Variants in KSR2 observed in about 807,000 individuals in gnomAD.
KSR2 encodes kinase suppressor of ras 2.
KSR2 carries 25 observed loss-of-function variants against 107.8 expected under a neutral mutation model. The observed-to-expected ratio is 0.23, with a 90% CI of 0.17 to 0.32. The LOEUF is 0.32. Among genes scored for constraint, KSR2 ranks in the 10% least tolerant of loss-of-function variants. The pLI is 1.00. For synonymous variants in KSR2, 480 were observed against 507.0 expected (o/e 0.95, Z 0.71); for missense variants, 887 against 1,268.9 (o/e 0.70, Z 4.57).
intron 4 of KSR2, among the ~76,000 whole-genome samples, chr12:117,725,064 CCTCTCTCT>C (rs5801250): frequency 2.1e-5 from 3 of 142,708 alleles, no homozygotes; most frequent in African/African-American, 7.7e-5. Flanking sequence ...GGCTTAATTC[CCTCTCTCT>C]CTCTCTCTCT....
chr12:117,882,854 A>C (rs2137326568), intron 1 of KSR2, among the ~76,000 whole-genome samples: 1 of 138,328 alleles, frequency 7.2e-6, no homozygotes, highest in East Asian at 2.2e-4. Flanking sequence ...TCCATCCAAC[A>C]ATCCATCCAT....
At chr12:117,530,791 T>G in intron 12 of KSR2, 150 bp downstream of exon 12, 2 of 662,302 alleles carry the variant, frequency 3.0e-6, no homozygotes, top group Non-Finnish European at 5.4e-6. Context: ...AGTTATTCCC[T>G]ATGTCTCTCT....
chr12:117,871,354 C>T (rs1217640575), intron 1 of KSR2, among the ~76,000 whole-genome samples: 1 of 151,958 alleles, frequency 6.6e-6, no homozygotes, highest in African/African-American at 2.4e-5. Context: ...TTTGGGAGAC[C>T]GAGGCAGGAG....
chr12:117,591,061 C>A (rs1880284143), intron 5 of KSR2, among the ~76,000 whole-genome samples: 1 of 152,146 alleles, frequency 6.6e-6, no homozygotes, highest in South Asian at 2.1e-4. Flanking sequence ...TTGTTTTGAT[C>A]CCCGTTTTGC....
intron 14 of KSR2, among the ~76,000 whole-genome samples, chr12:117,492,845 C>T (rs1412598782): frequency 6.6e-6 from 1 of 152,036 alleles, no homozygotes; most frequent in Non-Finnish European, 1.5e-5. Flanking sequence ...CCATCGCTGA[C>T]TTTGAAGATG....
chr12:117,892,078 C>G (rs1202186960), intron 1 of KSR2, among the ~76,000 whole-genome samples: 2 of 151,962 alleles, frequency 1.3e-5, no homozygotes, highest in Admixed American at 6.6e-5. Flanking sequence ...GTAAGTGGGT[C>G]ACCTGAAGGT....
Position 117,630,997 on chromosome 12 carries a change from G to C in KSR2, c.1171+36477C>G, listed in dbSNP as rs140640549. On this transcript the variant is annotated intron_variant, in intron 5 of 19. Transcript: ENST00000339824. ...ATGCTCCCCAGGCTGACAAGAGACG[G>C]GCTGTAGAATAAGATTCTCAGTAAA... Among the ~76,000 whole-genome samples, 19 of 151,980 alleles carry C rather than the reference G, an allele frequency of 1.3e-4. No individual in the cohort carries two copies. In the East Asian group the frequency reaches 3.5e-3, roughly 28 times the overall value.
At chr12:117,601,632 G>T (rs12425446) in intron 5 of KSR2, among the ~76,000 whole-genome samples, 12,589 of 152,132 alleles carry the variant, frequency 0.083, 576 homozygotes, top group Middle Eastern at 0.13. Flanking sequence ...GGCAAGGAAG[G>T]ACCCCCCCCT....
At chr12:117,923,703 GT>G (rs1895415349) in intron 1 of KSR2, among the ~76,000 whole-genome samples, 1 of 151,896 alleles carries the variant, frequency 6.6e-6, no homozygotes, top group African/African-American at 2.4e-5. Flanking sequence ...ATGTGTATGT[GT>G]ATATATACGT....
At position 117,656,963 on chromosome 12, in the gene KSR2, G is replaced by GATATATAT. The variant is rs199502933; in HGVS notation, c.1171+10503_1171+10510dup. 5.0e-3 allele frequency among the ~76,000 whole-genome samples: 447 copies of GATATATAT among 88,660 alleles called. 3 individuals are homozygous for GATATATAT. Among genetic ancestry groups the GATATATAT allele is most frequent in the African/African-American group, 0.021 (433 of 20,680 alleles). The allele number at this position is 88,660 out of a possible 152,430, so 58.2% of individuals were successfully genotyped here. On this transcript the variant is annotated intron_variant, in intron 5 of 19. Transcript: ENST00000339824. ...TAGGATATATATATATATATAATAG[G>GATATATAT]ATATATATATATAATAGGATATATA...
chr12:117,641,558 C>A (rs527978770), intron 5 of KSR2, among the ~76,000 whole-genome samples: 1 of 152,200 alleles, frequency 6.6e-6, no homozygotes, highest in South Asian at 2.1e-4. Flanking sequence ...GAATTTCCTT[C>A]TTTTTATAAG....
At chr12:117,923,239 T>A (rs1171210234) in intron 1 of KSR2, among the ~76,000 whole-genome samples, 2 of 152,160 alleles carry the variant, frequency 1.3e-5, no homozygotes, top group Admixed American at 1.3e-4. Flanking sequence ...TCTATCTATA[T>A]CTATCTATAA....
rs1870752082 is a variant in KSR2 at position 117,458,786 on chromosome 12, C to T, written c.*8413G>A. The T allele has an allele frequency of 6.6e-6, 1 of 152,050 alleles. No individual in the cohort carries two copies. Among genetic ancestry groups the T allele is most frequent in the Non-Finnish European group, 1.5e-5 (1 of 68,022 alleles). The allele number at this position is 152,050 out of a possible 1,614,324, so 9.4% of individuals were successfully genotyped here. A position where few individuals can be genotyped will look rare whatever the true frequency, so the allele number is the denominator to read the frequency against. On this transcript the variant is annotated 3_prime_UTR_variant, in exon 20 of 20. Transcript: ENST00000339824. ...TGGTGGTCCACTAGGACCTCAAGATCTTATCTGGGTGGAAACTTGATTTTG... is the reference window on the plus strand; with the variant it reads ...TGGTGGTCCACTAGGACCTCAAGATTTTATCTGGGTGGAAACTTGATTTTG...
At chr12:117,686,685 G>A (rs750902154) in intron 4 of KSR2, among the ~76,000 whole-genome samples, 5 of 152,108 alleles carry the variant, frequency 3.3e-5, no homozygotes, top group Non-Finnish European at 4.4e-5. Flanking sequence ...TGGTAAGCCC[G>A]TAAAGACCCT....
At chr12:117,725,398 T>C (rs577914862) in intron 4 of KSR2, among the ~76,000 whole-genome samples, 16 of 152,280 alleles carry the variant, frequency 1.1e-4, no homozygotes, top group Non-Finnish European at 1.8e-4. Flanking sequence ...TATGGCCAAC[T>C]TACATTTGAT....
intron 4 of KSR2, among the ~76,000 whole-genome samples, chr12:117,728,400 C>G (rs1332646120): frequency 6.6e-6 from 1 of 152,220 alleles, no homozygotes; most frequent in African/African-American, 2.4e-5. Flanking sequence ...AGTAAGCTCA[C>G]AAATTCTTCA....
intron 3 of KSR2, among the ~76,000 whole-genome samples, chr12:117,844,912 C>T (rs188153180): frequency 2.2e-4 from 33 of 152,148 alleles, no homozygotes; most frequent in African/African-American, 7.2e-4. Context: ...TTTGGGAGGC[C>T]GAGGCAGGTG....
At chr12:117,586,991 T>A (rs896856916) in intron 5 of KSR2, among the ~76,000 whole-genome samples, 3 of 152,188 alleles carry the variant, frequency 2.0e-5, no homozygotes, top group African/African-American at 7.2e-5. Context: ...GTGACTGAGT[T>A]GGGATTTAAA....
chr12:117,750,455 T>A (rs971967899), intron 4 of KSR2, among the ~76,000 whole-genome samples: 7 of 152,164 alleles, frequency 4.6e-5, no homozygotes, highest in African/African-American at 1.4e-4. Flanking sequence ...TGGTGACAAA[T>A]CTACATTATA....
Sources: gnomAD v4.1 joint callset for allele counts (sites outside exome capture counted in the v4.1 genomes callset) on GRCh38, gnomAD v4.1.1 for gene constraint, MANE v1.5 for transcripts, NCBI Gene and HGNC (gene_info 2026-07-23, HGNC 2026-07-21) for gene names.